The following DZIP1L variants were observed in gnomAD, a reference collection of about 807,000 sequenced individuals.
DZIP1L encodes cilium assembly protein DZIP1L.
A neutral mutation model predicts 88.7 loss-of-function variants in DZIP1L; 90 were observed. That is an observed-to-expected ratio of 1.02 (90% CI 0.86 to 1.21). DZIP1L has a LOEUF of 1.21. Among genes scored for constraint, DZIP1L ranks in the 50% most tolerant of loss-of-function variants. The pLI, the probability that DZIP1L is intolerant of heterozygous loss-of-function variation, is 0.00. For synonymous variants in DZIP1L, 363 were observed against 372.1 expected, an observed-to-expected ratio of 0.98 and a Z score of 0.28; for missense variants, 932 against 955.8, an observed-to-expected ratio of 0.98 and a Z score of 0.33.
At chr3:138,083,185 T>C (rs1355321186) in intron 8 of DZIP1L, among the ~76,000 whole-genome samples, 1 of 152,040 alleles carries the variant, frequency 6.6e-6, no homozygotes, top group Admixed American at 6.6e-5. Context: ...TCTGCTGTGG[T>C]TTCCTCCTTA....
intron 2 of DZIP1L, chr3:138,102,154 C>G: frequency 7.2e-7 from 1 of 1,379,460 alleles, no homozygotes. Flanking sequence ...CTGTCCATGT[C>G]CAGGGAGTGA....
intron 12 of DZIP1L, among the ~76,000 whole-genome samples, chr3:138,071,363 T>C (rs929642347): frequency 6.6e-6 from 1 of 152,166 alleles, no homozygotes; most frequent in East Asian, 1.9e-4. Flanking sequence ...GCAGCATGTC[T>C]GCACAGGGAC....
intron 4 of DZIP1L, among the ~76,000 whole-genome samples, chr3:138,094,239 T>C (rs905000625): frequency 1.3e-5 from 2 of 152,204 alleles, no homozygotes; most frequent in African/African-American, 4.8e-5. Context: ...ATGTGATACA[T>C]AGACATGAAG....
chr3:138,073,143 G>T (rs762361467), intron 11 of DZIP1L, among the ~76,000 whole-genome samples: 1 of 152,076 alleles, frequency 6.6e-6, no homozygotes. Context: ...CCTGCCCACC[G>T]CCTGAGAAAC....
chr3:138,080,389 C>A (rs1943592184), intron 10 of DZIP1L, 178 bp downstream of exon 10: 2 of 563,562 alleles, frequency 3.5e-6, no homozygotes, highest in African/African-American at 1.9e-5. Context: ...TATGTTAGTA[C>A]CTGCATGTCA....
At chr3:138,106,827 G>A (rs891548735) in intron 1 of DZIP1L, among the ~76,000 whole-genome samples, 19 of 149,054 alleles carry the variant, frequency 1.3e-4, no homozygotes, top group East Asian at 2.0e-4. Flanking sequence ...GCGAGACTCC[G>A]TCTCAAAAAA....
chr3:138,094,083 G>A (rs979660535), intron 4 of DZIP1L, among the ~76,000 whole-genome samples: 1 of 152,192 alleles, frequency 6.6e-6, no homozygotes, highest in Non-Finnish European at 1.5e-5. Flanking sequence ...TTTAAAGTGA[G>A]AGATGTTTAA....
At position 138,086,958 on chromosome 3, in the gene DZIP1L, T is replaced by G. The variant is rs1381761840; in HGVS notation, c.1062+3A>C. 3.0e-5 allele frequency: 49 copies of G among 1,613,784 alleles called. No individual in the cohort carries two copies. The highest frequency in any genetic ancestry group is 4.1e-5 in the Non-Finnish European group (48 of 1,179,918). ...CTCCCCGAGATCACCCAACAAAAGC[T>G]ACCTCTTTCTTCTCAGCCATGTGCT... On this transcript the variant is annotated splice_donor_region_variant and intron_variant, in intron 7 of 15. Coordinates refer to ENST00000327532, the MANE Select transcript of DZIP1L (RefSeq NM_173543.3).
intron 2 of DZIP1L, chr3:138,102,201 A>G: frequency 1.5e-6 from 2 of 1,375,622 alleles, no homozygotes; most frequent in South Asian, 2.3e-5. Flanking sequence ...CGTGTCCGAG[A>G]TCTGGGACTG....
At chr3:138,095,809 GA>G (rs200810010) in intron 3 of DZIP1L, among the ~76,000 whole-genome samples, 4 of 149,440 alleles carry the variant, frequency 2.7e-5, no homozygotes, top group Non-Finnish European at 4.5e-5. Context: ...ATTTCAAATG[GA>G]AAAAAAAAGC....
At chr3:138,067,855 C>G (rs1942982957) in intron 13 of DZIP1L, among the ~76,000 whole-genome samples, 155 bp from the exon 14 acceptor site, 1 of 152,228 alleles carries the variant, frequency 6.6e-6, no homozygotes, top group Non-Finnish European at 1.5e-5. Context: ...CCCTGGAGTG[C>G]AGCAGCCACA....
chr3:138,080,647 C>T, intron 9 of DZIP1L, 27 bp from the exon 10 acceptor site: 1 of 1,611,316 alleles, frequency 6.2e-7, no homozygotes, highest in Non-Finnish European at 8.5e-7. Context: ...CAGTTAGTGG[C>T]ACCAGTGCTC....
rs1421480915 is a variant in DZIP1L, at chr3:138,103,557, C to A, written c.415G>T (p.Val139Leu). The A allele has an allele frequency of 6.2e-7, 1 of 1,609,436 alleles. No individual in the cohort carries two copies. Among genetic ancestry groups the A allele is most frequent in the Non-Finnish European group, 8.5e-7 (1 of 1,179,778 alleles). Reference protein sequence around the residue: ...LGRQADELKGVREESRRRRKM... With the variant: ...LGRQADELKGLREESRRRRKM... ...CGACGCCGGCGGCTCTCCTCCCGCACACCCTTGAGCTCGTCAGCCTGGCGT... is the reference window on the plus strand; with the variant it reads ...CGACGCCGGCGGCTCTCCTCCCGCAAACCCTTGAGCTCGTCAGCCTGGCGT... Residue 139 changes from valine (V) to leucine (L), a missense_variant, in exon 2 of 16, where the codon GTG becomes TTG. Val to Leu is a conservative substitution (Grantham distance 32). Transcript: ENST00000327532.
At chr3:138,099,194 A>G (rs762136729) in intron 2 of DZIP1L, among the ~76,000 whole-genome samples, 5 of 152,244 alleles carry the variant, frequency 3.3e-5, no homozygotes, top group Non-Finnish European at 5.9e-5. Flanking sequence ...GAGGTCCTAA[A>G]ACACTTACAA....
chr3:138,086,934 TC>T (rs1427371407), intron 7 of DZIP1L, 26 bp downstream of exon 7: 2 of 1,611,340 alleles, frequency 1.2e-6, no homozygotes, highest in South Asian at 2.2e-5. Flanking sequence ...GAAACCAAGC[TC>T]CCCGAGATCA....
intron 2 of DZIP1L, chr3:138,101,653 T>C (rs1392609821): frequency 7.6e-6 from 6 of 794,370 alleles, no homozygotes; most frequent in South Asian, 5.3e-5. Context: ...GAGGCCCCCA[T>C]AGGCCGAGCT....
intron 5 of DZIP1L, 40 bp downstream of exon 5, chr3:138,092,343 T>C (rs1944277894): frequency 6.7e-7 from 1 of 1,490,226 alleles, no homozygotes; most frequent in Non-Finnish European, 8.9e-7. Flanking sequence ...TAAGCAGATT[T>C]CCAACAAAGA....
chr3:138,095,543 G>T (rs1385794566), intron 3 of DZIP1L, among the ~76,000 whole-genome samples: 5 of 152,146 alleles, frequency 3.3e-5, no homozygotes, highest in Non-Finnish European at 7.3e-5. Flanking sequence ...CACTTTGGGA[G>T]GCCAAGGCAG....
chr3:138,099,192 A>G (rs1944613185), intron 2 of DZIP1L, among the ~76,000 whole-genome samples: 1 of 152,246 alleles, frequency 6.6e-6, no homozygotes, highest in Non-Finnish European at 1.5e-5. Flanking sequence ...AGGAGGTCCT[A>G]AAACACTTAC....
Sources: gnomAD v4.1 joint callset for allele counts (sites outside exome capture counted in the v4.1 genomes callset) on GRCh38, gnomAD v4.1.1 for gene constraint, MANE v1.5 for transcripts, NCBI Gene and HGNC (gene_info 2026-07-23, HGNC 2026-07-21) for gene names.